Variants in MYO10 observed in about 807,000 individuals in gnomAD.
MYO10 encodes myosin X.
In MYO10, 133 loss-of-function variants were observed where a neutral mutation model predicts 257.3. The ratio of observed to expected loss-of-function variants is 0.52; its 90% CI spans 0.45 to 0.60. The LOEUF is 0.60. Ranked by LOEUF, MYO10 falls within the 20% of genes least tolerant of loss-of-function variation. The pLI, the probability that MYO10 is intolerant of heterozygous loss-of-function variation, is 0.00. For missense variants in MYO10, 2,399 were observed against 2,635.7 expected (o/e 0.91, Z 1.97); for synonymous variants, 1,104 against 1,028.6 (o/e 1.07, Z -1.40).
intron 2 of MYO10, among the ~76,000 whole-genome samples, chr5:16,872,697 C>G (rs944317138): frequency 6.6e-6 from 1 of 152,172 alleles, no homozygotes; most frequent in Non-Finnish European, 1.5e-5. Context: ...ATTGGACTTA[C>G]AGTTCCACAT....
At chr5:16,882,640 A>C (rs1001578199) in intron 1 of MYO10, among the ~76,000 whole-genome samples, 2 of 152,218 alleles carry the variant, frequency 1.3e-5, no homozygotes, top group African/African-American at 2.4e-5. Context: ...AAGTGAAAGA[A>C]GCCAGATACA....
intron 2 of MYO10, among the ~76,000 whole-genome samples, chr5:16,845,588 C>T (rs1173189383): frequency 1.3e-5 from 2 of 151,934 alleles, no homozygotes; most frequent in African/African-American, 4.8e-5. Context: ...ATTGCTTGAG[C>T]CCAGGAGCTC....
intron 19 of MYO10, among the ~76,000 whole-genome samples, chr5:16,718,282 G>A (rs573858103): frequency 2.0e-5 from 3 of 152,254 alleles, no homozygotes; most frequent in Non-Finnish European, 4.4e-5. Context: ...GACGAGCACC[G>A]CCCCCTGCTC....
intron 1 of MYO10, among the ~76,000 whole-genome samples, chr5:16,908,404 T>C (rs1383248082): frequency 6.6e-6 from 1 of 152,126 alleles, no homozygotes; most frequent in Non-Finnish European, 1.5e-5. Context: ...GGCACACACC[T>C]GTAATCCCAG....
chr5:16,715,781 C>CGCGGTG (rs1476213059), intron 19 of MYO10, among the ~76,000 whole-genome samples: 1 of 152,002 alleles, frequency 6.6e-6, no homozygotes, highest in Non-Finnish European at 1.5e-5. Context: ...TAAGGCCAGG[C>CGCGGTG]GCGGTGGCTC....
At chr5:16,787,031 T>C (rs567806433) in intron 4 of MYO10, among the ~76,000 whole-genome samples, 2 of 152,252 alleles carry the variant, frequency 1.3e-5, no homozygotes, top group South Asian at 4.2e-4. Context: ...TAGCCAGGCA[T>C]GGTAGCGGGT....
chr5:16,923,817 C>T (rs549727904), intron 1 of MYO10, among the ~76,000 whole-genome samples: 2 of 152,052 alleles, frequency 1.3e-5, no homozygotes, highest in African/African-American at 2.4e-5. Context: ...TGGCCAAGTG[C>T]GATGGCTTGC....
At chr5:16,842,087 G>A (rs1377576187) in intron 2 of MYO10, among the ~76,000 whole-genome samples, 1 of 152,134 alleles carries the variant, frequency 6.6e-6, no homozygotes, top group East Asian at 1.9e-4. Context: ...TGGTTTCATA[G>A]TATAAAGTAA....
chr5:16,686,916 T>G (rs148338207), intron 28 of MYO10, among the ~76,000 whole-genome samples: 1 of 151,920 alleles, frequency 6.6e-6, no homozygotes, highest in African/African-American at 2.4e-5. Context: ...CACAGGAGAG[T>G]TGGAAATGAA....
chr5:16,909,236 C>T (rs191311856), intron 1 of MYO10, among the ~76,000 whole-genome samples: 101 of 152,178 alleles, frequency 6.6e-4, no homozygotes, highest in African/African-American at 2.2e-3. Context: ...TGGCCAGGTG[C>T]GGTGGCTCAC....
At chr5:16,693,092 C>A (rs58336311) in intron 27 of MYO10, among the ~76,000 whole-genome samples, 2 of 152,010 alleles carry the variant, frequency 1.3e-5, no homozygotes, top group African/African-American at 4.8e-5. Context: ...CATGGCGAAA[C>A]CCCGTCTCTA....
At chr5:16,806,676 G>C (rs1742286820) in intron 3 of MYO10, among the ~76,000 whole-genome samples, 1 of 151,668 alleles carries the variant, frequency 6.6e-6, no homozygotes, top group East Asian at 1.9e-4. Context: ...GTATAACTGA[G>C]AAAACTTAAA....
At chr5:16,738,702 C>T (rs1423695555) in intron 19 of MYO10, among the ~76,000 whole-genome samples, 1 of 151,902 alleles carries the variant, frequency 6.6e-6, no homozygotes, top group African/African-American at 2.4e-5. Context: ...ACCAGCCTGG[C>T]CAACATGGTG....
intron 25 of MYO10, 42 bp downstream of exon 25, chr5:16,700,921 C>A: frequency 6.7e-7 from 1 of 1,502,958 alleles, no homozygotes; most frequent in Non-Finnish European, 8.9e-7. Flanking sequence ...GTGGGTGTGA[C>A]CGGCCACCCA....
rs975522484 is a variant in MYO10, at chr5:16,752,541, C to T, written c.1929+2287G>A. On this transcript the variant is annotated intron_variant, in intron 19 of 40. Transcript: ENST00000513610. ...CAAGTCATCCAACCTATCTCTCAGC[C>T]TCCCAAAGTGCTGGGATTACAGGCG... Among the ~76,000 whole-genome samples the T allele has an allele frequency of 3.9e-5, 6 of 152,250 alleles. 1 individual carries two copies. Among genetic ancestry groups the T allele is most frequent in the Admixed American group, 3.9e-4 (6 of 15,286 alleles).
chr5:16,685,115 C>T (rs915763618), intron 29 of MYO10, among the ~76,000 whole-genome samples: 4 of 151,934 alleles, frequency 2.6e-5, no homozygotes, highest in Non-Finnish European at 4.4e-5. Context: ...ATGTGTACTT[C>T]CGTGACTTCA....
At chr5:16,681,067 T>C (rs963249553) in intron 32 of MYO10, among the ~76,000 whole-genome samples, 2 of 152,206 alleles carry the variant, frequency 1.3e-5, no homozygotes, top group African/African-American at 2.4e-5. Flanking sequence ...ATGCCCTGCA[T>C]CTGTTGACAT....
intron 2 of MYO10, among the ~76,000 whole-genome samples, chr5:16,820,129 G>T (rs1742753815): frequency 6.6e-6 from 1 of 152,218 alleles, no homozygotes; most frequent in Non-Finnish European, 1.5e-5. Context: ...AAGGCACAAG[G>T]ACATTCAAGA....
intron 3 of MYO10, among the ~76,000 whole-genome samples, chr5:16,816,738 C>T (rs562202539): frequency 1.6e-4 from 24 of 151,132 alleles, no homozygotes; most frequent in African/African-American, 5.6e-4. Context: ...ACCATGTTGG[C>T]CAGGATGGTC....
Sources: allele counts gnomAD v4.1 joint callset (sites outside exome capture counted in the v4.1 genomes callset), GRCh38; gene constraint gnomAD v4.1.1; transcripts MANE v1.5; gene names NCBI Gene and HGNC (gene_info 2026-07-23, HGNC 2026-07-21).